INF2: variants seen among roughly 807,000 people sequenced by gnomAD.
INF2 encodes inverted formin 2, also known as inverted formin-2.
In INF2, 43 loss-of-function variants were observed where a neutral mutation model predicts 123.5. That is an observed-to-expected ratio of 0.35 (90% CI 0.27 to 0.45). The LOEUF is 0.45. INF2 is among the 20% of genes least tolerant of loss of function. The pLI is 1.00. For synonymous variants in INF2, 851 were observed against 745.0 expected (o/e 1.14, Z -2.32); for missense variants, 1,453 against 1,682.7 (o/e 0.86, Z 2.39).
At position 104,719,126 on chromosome 14, in the gene INF2, A is replaced by G; in HGVS notation, c.*333A>G. ...CAGTCGGGGGGTGCTGCGTCCTGCC[A>G]GTGTCCACCACAGCTCTGCCTGCCC... On this transcript the variant is annotated 3_prime_UTR_variant, in exon 23 of 23. Transcript: ENST00000392634. 1 of 437,710 alleles carries G rather than the reference A, an allele frequency of 2.3e-6. No homozygotes were observed. The highest frequency in any genetic ancestry group is 4.0e-5 in the South Asian group (1 of 25,232). The allele number at this position is 437,710 out of a possible 1,614,324, so 27.1% of individuals were successfully genotyped here.
chr14:104,714,519 C>T lies in INF2; in HGVS notation c.3357C>T (p.Asn1119=). 1 of 1,612,810 alleles carries T rather than the reference C, an allele frequency of 6.2e-7. No individual in the cohort carries two copies. The highest frequency in any genetic ancestry group is 1.7e-5 in the Admixed American group (1 of 60,030). Residue 1119 remains asparagine (N), a synonymous_variant, in exon 21 of 23, where the codon AAC becomes AAT. Coordinates refer to ENST00000392634, the MANE Select transcript of INF2 (RefSeq NM_022489.4). ...TGAAGCCCCTCAAGTTCTCCAGCAACCAGCCCCCTGCAGCCGGAAGTTCAA... is the reference window on the plus strand; with the variant it reads ...TGAAGCCCCTCAAGTTCTCCAGCAATCAGCCCCCTGCAGCCGGAAGTTCAA... ...QALKPLKFSS[N]QPPAAGSSRQ...
chr14:104,707,753 G>A lies in INF2; in HGVS notation c.1486G>A (p.Gly496Ser). The A allele has an allele frequency of 7.4e-7, 1 of 1,354,784 alleles. No homozygotes were observed. The highest frequency in any genetic ancestry group is 1.0e-6 in the Non-Finnish European group (1 of 995,994). 83.9% of individuals were successfully genotyped at this position (1,354,784 alleles called of 1,614,324 possible). ...FLPPPPPPLP[G>S]LGCPPPPPPL... ...GCCCCCACCACCTCCACCACTCCCGGGCTTGGGATGCCCGCCCCCACCCCC... is the reference window on the plus strand; with the variant it reads ...GCCCCCACCACCTCCACCACTCCCGAGCTTGGGATGCCCGCCCCCACCCCC... The change falls in exon 8 of 23, where the codon GGC becomes AGC. Residue 496 changes from glycine (G) to serine (S), a missense_variant. Around this residue, in one of 8 missense-constraint regions of INF2, gnomAD observed 374 missense variants for 303.7 expected, o/e 1.23. Transcript: ENST00000392634.
At chr14:104,693,232 A>G (rs1037670568) in intron 1 of INF2, among the ~76,000 whole-genome samples, 5 of 152,330 alleles carry the variant, frequency 3.3e-5, no homozygotes, top group Admixed American at 2.6e-4. Flanking sequence ...ACCTGGACAC[A>G]GTCTGAGCAC....
intron 6 of INF2, 104 bp downstream of exon 6, chr14:104,706,280 C>A: frequency 2.5e-6 from 3 of 1,190,550 alleles, no homozygotes; most frequent in South Asian, 1.6e-5. Flanking sequence ...TGGTCAGACC[C>A]TGCTGTGACC....
chr14:104,709,283 C>T lies in INF2; in HGVS notation c.1952C>T (p.Ser651Phe). 6.2e-7 allele frequency: 1 copy of T among 1,612,340 alleles called. No individual in the cohort carries two copies. The change falls in exon 11 of 23, where the codon TCC (serine) becomes TTC (phenylalanine). Residue 651 changes from serine to phenylalanine, a missense_variant and splice_region_variant. Around this residue, in one of 8 missense-constraint regions of INF2, gnomAD observed 192 missense variants for 274.4 expected, o/e 0.70. Transcript: ENST00000392634. ...GCCCGGTCCTCTCCCTGCTCCAGCT[C>T]CAACGAGGAGGTCGCTGCTATGATC... ...LNIFLKQFKC[S>F]NEEVAAMIRA...
upstream of INF2, among the ~76,000 whole-genome samples, chr14:104,687,111 A>C (rs1453618549): frequency 6.6e-6 from 1 of 152,138 alleles, no homozygotes; most frequent in Non-Finnish European, 1.5e-5. This position sits in a 1 kb window ranked among gnomAD's most constrained non-coding sequence, Gnocchi z 5.6. Flanking sequence ...GACACCCAGG[A>C]GGGGAGGCTC....
chr14:104,692,190 G>A (rs900633445), intron 1 of INF2, among the ~76,000 whole-genome samples: 6 of 152,206 alleles, frequency 3.9e-5, no homozygotes, highest in Non-Finnish European at 5.9e-5. Context: ...GCCAGCCTGC[G>A]GGGTCCCTCC....
intron 22 of INF2, among the ~76,000 whole-genome samples, chr14:104,716,573 C>T (rs1397954723): frequency 2.0e-5 from 3 of 152,246 alleles, no homozygotes; most frequent in Non-Finnish European, 2.9e-5. Flanking sequence ...GCCAGCTCCA[C>T]GCTCCACCTG....
intron 22 of INF2, among the ~76,000 whole-genome samples, chr14:104,717,297 CCCCCCCCGG>C (rs1890348927): frequency 7.3e-6 from 1 of 136,624 alleles, no homozygotes; most frequent in African/African-American, 3.1e-5. Flanking sequence ...CCTCCCAGTC[CCCCCCCCGG>C]GCAGGGCGCG....
chr14:104,709,245 T>A (rs765521379), intron 10 of INF2, 36 bp from the exon 11 acceptor site: 1 of 1,510,592 alleles, frequency 6.6e-7, no homozygotes, highest in Non-Finnish European at 9.2e-7. Context: ...TGACTCATGA[T>A]TCACTCACCC....
chr14:104,695,598 C>T (rs1181677974), intron 1 of INF2, among the ~76,000 whole-genome samples: 2 of 152,126 alleles, frequency 1.3e-5, no homozygotes, highest in Non-Finnish European at 2.9e-5. Context: ...CCCAGTGACC[C>T]CTCCTCCCAG....
At chr14:104,693,227 G>C (rs1448249937) in intron 1 of INF2, among the ~76,000 whole-genome samples, 2 of 152,246 alleles carry the variant, frequency 1.3e-5, no homozygotes, top group Non-Finnish European at 2.9e-5. Context: ...CTGTGACCTG[G>C]ACACAGTCTG....
intron 1 of INF2, among the ~76,000 whole-genome samples, chr14:104,682,719 TATTTAC>T (rs1201110093): frequency 6.6e-6 from 1 of 152,024 alleles, no homozygotes; most frequent in African/African-American, 2.4e-5. Context: ...ACTGGGGAAT[TATTTAC>T]CCTAACTCAG....
Position 104,699,732 on chromosome 14 carries a change from C to T in INF2, c.-9-1625C>T. Reference sequence around the variant, plus strand: ...GACCCCCTGCAGGGAGGAGGGGCATCCCAAGGACAGCCTCTCAGGATGCTC... The same window carrying T: ...GACCCCCTGCAGGGAGGAGGGGCATTCCAAGGACAGCCTCTCAGGATGCTC... On this transcript the variant is annotated intron_variant, in intron 1 of 22. Transcript: ENST00000392634. This position sits in a 1 kb window ranked among gnomAD's most constrained non-coding sequence, Gnocchi z 4.7. 3 of 331,996 alleles carry T rather than the reference C, an allele frequency of 9.0e-6. No individual in the cohort carries two copies. Among genetic ancestry groups the T allele is most frequent in the Non-Finnish European group, 1.3e-5 (3 of 232,560 alleles). The allele number at this position is 331,996 out of a possible 1,614,324, so 20.6% of individuals were successfully genotyped here. A position where few individuals can be genotyped will look rare whatever the true frequency, so the allele number is the denominator to read the frequency against.
chr14:104,689,590 T>TCCCCC, upstream of INF2: 21 of 646,932 alleles, frequency 3.2e-5, no homozygotes, highest in Non-Finnish European at 3.5e-5. Context: ...CTCCTCTTCC[T>TCCCCC]CCCGCCCGCC....
intron 13 of INF2, chr14:104,710,650 GA>G (rs1890009147): frequency 1.8e-6 from 1 of 549,738 alleles, no homozygotes; most frequent in African/African-American, 1.9e-5. Context: ...CACCATCTCT[GA>G]AAGGGGAATC....
chr14:104,706,241 G>T, intron 6 of INF2, 65 bp downstream of exon 6: 1 of 1,475,584 alleles, frequency 6.8e-7, no homozygotes, highest in Non-Finnish European at 9.2e-7. Context: ...GAGGTCCAGA[G>T]GCTGGGCCTG....
chr14:104,719,138 A>G lies in INF2; in HGVS notation c.*345A>G, dbSNP rs748468295. 5.5e-5 allele frequency: 22 copies of G among 399,202 alleles called. No individual in the cohort carries two copies. Among genetic ancestry groups the G allele is most frequent in the Admixed American group, 1.3e-4 (3 of 23,732 alleles). 24.7% of individuals were successfully genotyped at this position (399,202 alleles called of 1,614,324 possible). On this transcript the variant is annotated 3_prime_UTR_variant, in exon 23 of 23. Coordinates refer to ENST00000392634, the MANE Select transcript of INF2 (RefSeq NM_022489.4). ...GCTGCGTCCTGCCAGTGTCCACCAC[A>G]GCTCTGCCTGCCCTTCAGCCCAGCA...
At chr14:104,715,174 C>T (rs1890238050) in intron 21 of INF2, 110 bp from the exon 22 acceptor site, 3 of 1,098,566 alleles carry the variant, frequency 2.7e-6, no homozygotes, top group Admixed American at 1.7e-5. Flanking sequence ...CCGGGCAGCC[C>T]TCAGAGGGTG....
Sources: gnomAD v4.1 joint callset for allele counts (sites outside exome capture counted in the v4.1 genomes callset) on GRCh38, gnomAD v4.1.1 for gene constraint, gnomAD v4.1.1 regional missense constraint, Gnocchi (gnomAD v3.1) non-coding constraint, MANE v1.5 for transcripts, NCBI Gene and HGNC (gene_info 2026-07-23, HGNC 2026-07-21) for gene names.